Variants in MTM1 observed in about 807,000 individuals in gnomAD.
The protein encoded by MTM1 is myotubularin.
In MTM1, 9 loss-of-function variants were observed where a neutral mutation model predicts 52.1. The observed-to-expected ratio is 0.17, with a 90% CI of 0.10 to 0.30. MTM1 has a LOEUF of 0.30. MTM1 is among the 10% of genes least tolerant of loss of function. The pLI is 1.00. For synonymous variants in MTM1, 136 were observed against 163.8 expected, an observed-to-expected ratio of 0.83 and a Z score of 1.29; for missense variants, 277 against 470.7, an observed-to-expected ratio of 0.59 and a Z score of 3.81.
At chrX:150,577,555 G>GT (rs1467989842) in intron 1 of MTM1, among the ~76,000 whole-genome samples, 1 of 112,249 alleles carries the variant, frequency 8.9e-6, no homozygotes, top group African/African-American at 3.2e-5. Flanking sequence ...TTATGTGCTT[G>GT]TTGGCCATTA....
At chrX:150,581,624 G>A (rs781809255) in intron 1 of MTM1, among the ~76,000 whole-genome samples, 3 of 111,087 alleles carry the variant, frequency 2.7e-5, no homozygotes, top group East Asian at 2.8e-4. Context: ...ATGAAATTCC[G>A]AAAAGATTTT....
At chrX:150,602,439 C>T (rs782066269) in intron 4 of MTM1, among the ~76,000 whole-genome samples, 3 of 112,242 alleles carry the variant, frequency 2.7e-5, no homozygotes, top group African/African-American at 6.5e-5. Context: ...AGTACAGTGT[C>T]CTGGTAGACA....
intron 11 of MTM1, 118 bp from the exon 12 acceptor site, chrX:150,659,546 T>G (rs1483069710): frequency 7.1e-6 from 4 of 560,122 alleles, no homozygotes; most frequent in Non-Finnish European, 1.2e-5. Context: ...ATTTCCTCTC[T>G]GAGAAACTTG....
upstream of MTM1, among the ~76,000 whole-genome samples, chrX:150,568,168 A>G (rs1435367519): frequency 8.9e-6 from 1 of 112,388 alleles, no homozygotes; most frequent in Non-Finnish European, 1.9e-5. Context: ...TGTACCCAAT[A>G]ATAGCTCAAT....
At chrX:150,662,841 G>A (rs1444955276) in intron 13 of MTM1, among the ~76,000 whole-genome samples, 1 of 109,555 alleles carries the variant, frequency 9.1e-6, no homozygotes, top group African/African-American at 3.3e-5. Flanking sequence ...GCAATAAAAA[G>A]CAATGAAAAT....
chrX:150,671,153 G>A (rs1234867796), intron 14 of MTM1, among the ~76,000 whole-genome samples: 4 of 111,178 alleles, frequency 3.6e-5, no homozygotes, highest in African/African-American at 1.3e-4. Flanking sequence ...GCTGTGTCTC[G>A]GCTGACACAT....
At chrX:150,626,550 C>T (rs939482214) in intron 6 of MTM1, among the ~76,000 whole-genome samples, 2 of 111,187 alleles carry the variant, frequency 1.8e-5, no homozygotes, top group African/African-American at 3.3e-5. Context: ...CCTTGTGATC[C>T]GCCCGCCTCA....
intron 1 of MTM1, among the ~76,000 whole-genome samples, chrX:150,588,930 T>C (rs782707961): frequency 2.9e-4 from 32 of 112,131 alleles, no homozygotes; most frequent in Middle Eastern, 4.2e-3. Flanking sequence ...ACAACTGTTA[T>C]GTTCCTTGGC....
chrX:150,646,092 CTG>C (rs1330457622), intron 9 of MTM1, among the ~76,000 whole-genome samples: 1 of 112,066 alleles, frequency 8.9e-6, no homozygotes, highest in African/African-American at 3.2e-5. Flanking sequence ...CATGTCTAGA[CTG>C]TAATGAAATT....
rs782210925 is a variant in MTM1, at chrX:150,645,706, A to C, written c.702A>C (p.Glu234Asp). The C allele has an allele frequency of 5.8e-6, 7 of 1,210,507 alleles. No homozygotes were observed. The South Asian group carries it at 1.2e-4, about 21-fold the overall frequency. ...RIPVLSWIHPENKTVIVRCSQ... is the reference protein window; with the variant it reads ...RIPVLSWIHPDNKTVIVRCSQ... ...AGGTGCTGTCATGGATTCATCCAGA[A>C]AATAAGACGGTCATTGTGCGTTGCA... The change falls in exon 9 of 15, where the codon GAA becomes GAC. Residue 234 changes from glutamate to aspartate, a missense_variant. Glu to Asp is a conservative substitution (Grantham distance 45, BLOSUM62 2). Coordinates refer to ENST00000370396, the MANE Select transcript of MTM1 (RefSeq NM_000252.3).
At chrX:150,636,109 G>A (rs1206069417) in intron 6 of MTM1, among the ~76,000 whole-genome samples, 2 of 111,254 alleles carry the variant, frequency 1.8e-5, no homozygotes, top group African/African-American at 3.3e-5. Flanking sequence ...GACATGTTTC[G>A]GGTTAAAGGA....
At chrX:150,657,262 G>T (rs1199761187) in intron 10 of MTM1, among the ~76,000 whole-genome samples, 1 of 111,333 alleles carries the variant, frequency 9.0e-6, no homozygotes, top group Non-Finnish European at 1.9e-5. Flanking sequence ...AGGAAATGTG[G>T]CACATATACA....
intron 1 of MTM1, among the ~76,000 whole-genome samples, chrX:150,579,276 A>G (rs1208573071): frequency 9.3e-6 from 1 of 107,938 alleles, no homozygotes; most frequent in African/African-American, 3.4e-5. Flanking sequence ...CTGGTCTTGA[A>G]CTCCTGACCT....
At chrX:150,668,675 G>A (rs1012963290) in intron 14 of MTM1, among the ~76,000 whole-genome samples, 4 of 110,933 alleles carry the variant, frequency 3.6e-5, no homozygotes, top group Admixed American at 2.9e-4. Flanking sequence ...AGCTACGATT[G>A]CACTGCACTC....
chrX:150,587,558 A>G (rs782707549), intron 1 of MTM1, among the ~76,000 whole-genome samples: 1 of 111,972 alleles, frequency 8.9e-6, no homozygotes, highest in South Asian at 3.7e-4. Flanking sequence ...ATAAACAAAT[A>G]TATGTGTTAA....
intron 14 of MTM1, 77 bp downstream of exon 14, chrX:150,663,686 T>G: frequency 1.1e-6 from 1 of 938,011 alleles, no homozygotes; most frequent in Non-Finnish European, 1.5e-6. Context: ...ATGGATTTTT[T>G]TTAACAGCAT....
intron 4 of MTM1, among the ~76,000 whole-genome samples, chrX:150,610,394 A>G (rs2039253441): frequency 9.0e-6 from 1 of 111,332 alleles, no homozygotes; most frequent in Non-Finnish European, 1.9e-5. Flanking sequence ...TATGAGACAG[A>G]CAGACAGACA....
At chrX:150,585,313 T>C (rs1603109392) in intron 1 of MTM1, among the ~76,000 whole-genome samples, 1 of 111,569 alleles carries the variant, frequency 9.0e-6, no homozygotes, top group East Asian at 2.8e-4. Flanking sequence ...CCTTTTTTCC[T>C]CCCTCCTCCA....
At chrX:150,615,210 G>C (rs2039360982) in intron 5 of MTM1, among the ~76,000 whole-genome samples, 1 of 111,645 alleles carries the variant, frequency 9.0e-6, no homozygotes. Context: ...CTTTGCATTT[G>C]ATCCTCAAGT....
Sources: allele counts gnomAD v4.1 joint callset (sites outside exome capture counted in the v4.1 genomes callset), GRCh38; gene constraint gnomAD v4.1.1; transcripts MANE v1.5; gene names NCBI Gene and HGNC (gene_info 2026-07-23, HGNC 2026-07-21).